The following NYX variants were observed in gnomAD, a reference collection of about 807,000 sequenced individuals.
NYX encodes nyctalopin.
For synonymous variants in NYX, 258 were observed against 245.7 expected, an observed-to-expected ratio of 1.05 and a Z score of -0.47; for missense variants, 481 against 485.4, an observed-to-expected ratio of 0.99 and a Z score of 0.09.
intron 2 of NYX, among the ~76,000 whole-genome samples, chrX:41,462,788 C>T (rs1167394800): frequency 9.0e-6 from 1 of 111,507 alleles, no homozygotes; most frequent in Admixed American, 9.6e-5. Flanking sequence ...ATATTTTGCC[C>T]ATTTATTAAT....
In NYX at chrX:41,475,081, A is replaced by G; in HGVS notation, c.*182A>G. The stretch of plus-strand genomic sequence containing the variant: ...CCACTCGAGGGGGAGGATGGTATGG[A>G]TTTCTGCTTTTGTCACACGGGCATC... On this transcript the variant is annotated 3_prime_UTR_variant, in exon 3 of 3. Transcript: ENST00000378220. 2 of 467,666 alleles carry G rather than the reference A, an allele frequency of 4.3e-6. No individual in the cohort carries two copies. Among genetic ancestry groups the G allele is most frequent in the Non-Finnish European group, 7.5e-6 (2 of 266,708 alleles). The allele number at this position is 467,666 out of a possible 1,213,427, so 38.5% of individuals were successfully genotyped here.
intron 2 of NYX, 32 bp from the exon 3 acceptor site, chrX:41,473,459 C>G: frequency 1.0e-6 from 1 of 964,401 alleles, no homozygotes. Flanking sequence ...TTTTCTCCTC[C>G]TTCCCGACTC....
intron 2 of NYX, among the ~76,000 whole-genome samples, chrX:41,453,332 G>A (rs1047171614): frequency 8.9e-6 from 1 of 111,920 alleles, no homozygotes; most frequent in African/African-American, 3.2e-5. Flanking sequence ...GGACACACAA[G>A]CAGGGAGCCA....
At chrX:41,459,338 G>A (rs1195936552) in intron 2 of NYX, among the ~76,000 whole-genome samples, 1 of 110,969 alleles carries the variant, frequency 9.0e-6, no homozygotes, top group Non-Finnish European at 1.9e-5. Context: ...CATCATATAG[G>A]CTGGGTGTGG....
intron 2 of NYX, among the ~76,000 whole-genome samples, chrX:41,466,777 C>G (rs2064340590): frequency 1.2e-5 from 1 of 84,323 alleles, no homozygotes; most frequent in Non-Finnish European, 2.2e-5. Context: ...GCCATGTTGG[C>G]CAGACTGGTC....
intron 2 of NYX, among the ~76,000 whole-genome samples, chrX:41,450,106 G>A (rs934629995): frequency 1.4e-4 from 16 of 111,684 alleles, no homozygotes; most frequent in African/African-American, 5.2e-4. Context: ...CCACTTCTCA[G>A]ATGCATAAGT....
At chrX:41,460,689 C>A (rs1045700942) in intron 2 of NYX, among the ~76,000 whole-genome samples, 1 of 109,069 alleles carries the variant, frequency 9.2e-6, no homozygotes. Flanking sequence ...TGTATCCTCA[C>A]GAAACCATCA....
intron 2 of NYX, among the ~76,000 whole-genome samples, chrX:41,463,154 T>C (rs1271139821): frequency 9.0e-6 from 1 of 111,678 alleles, no homozygotes; most frequent in Non-Finnish European, 1.9e-5. Flanking sequence ...ATTTTGCGTA[T>C]GGTGTGAGGT....
rs1335308569 is a variant in NYX, at chrX:41,460,876, A to ATTCTTTTTTTTTTTT, written c.23-12613_23-12612insCTTTTTTTTTTTTTT. On this transcript the variant is annotated intron_variant, in intron 2 of 2. Transcript: ENST00000378220. Reference sequence around the variant, plus strand: ...ATGTAAGCGGAGTCACACAGTATGTATTTTTTTTTTTTTTTTTTTTTTTTT... The same window carrying ATTCTTTTTTTTTTTT: ...ATGTAAGCGGAGTCACACAGTATGTATTCTTTTTTTTTTTTTTTTTTTTTTTTTTTTTTTTTTTTT... Among the ~76,000 whole-genome samples, 3 of 24,778 alleles carry ATTCTTTTTTTTTTTT rather than the reference A, an allele frequency of 1.2e-4. 1 individual carries two copies. The highest frequency in any genetic ancestry group is 4.6e-4 in the African/African-American group (3 of 6,570). The allele number at this position is 24,778 out of a possible 115,157, so 21.5% of individuals were successfully genotyped here.
chrX:41,471,978 G>A (rs1034412865), intron 2 of NYX, among the ~76,000 whole-genome samples: 4 of 110,336 alleles, frequency 3.6e-5, no homozygotes, highest in Non-Finnish European at 5.7e-5. Context: ...ACCACACTCC[G>A]ATGCCCTGGT....
intron 2 of NYX, among the ~76,000 whole-genome samples, chrX:41,461,313 C>G (rs1269309549): frequency 9.2e-6 from 1 of 108,705 alleles, no homozygotes; most frequent in Admixed American, 1.0e-4. Context: ...GAATAATAGT[C>G]TCCAGTCCCA....
rs745741032 is a variant in NYX, at chrX:41,474,504, A to C, written c.1036A>C (p.Met346Leu). 15 of 1,206,404 alleles carry C rather than the reference A, an allele frequency of 1.2e-5. No individual in the cohort carries two copies. The highest frequency in any genetic ancestry group is 1.7e-5 in the Non-Finnish European group (15 of 894,639). ...CCGTCTGGAGTGGCTGAGGGACTGG[A>C]TGGAGGGCTCCGGACGTGTCACCGA... ...DCRLEWLRDW[M>L]EGSGRVTDVP... Residue 346 changes from methionine (M) to leucine (L), a missense_variant, in exon 3 of 3, where the codon ATG becomes CTG. Transcript: ENST00000378220.
At position 41,475,306 on chromosome X, in the gene NYX, C is replaced by T. The variant is rs935165720; in HGVS notation, c.*407C>T. The T allele has an allele frequency of 5.8e-6, 1 of 171,206 alleles. No individual in the cohort carries two copies. The highest frequency in any genetic ancestry group is 1.5e-4 in the South Asian group (1 of 6,849). The allele number at this position is 171,206 out of a possible 1,213,427, so 14.1% of individuals were successfully genotyped here. On this transcript the variant is annotated 3_prime_UTR_variant, in exon 3 of 3. Transcript: ENST00000378220. ...CGTCCCATTTCTCCTGGCGGGGTAACCCATTACACCGAAGTCCTTTGTTTT... is the reference window on the plus strand; with the variant it reads ...CGTCCCATTTCTCCTGGCGGGGTAATCCATTACACCGAAGTCCTTTGTTTT...
chrX:41,457,613 CT>C (rs2064303795), intron 2 of NYX, among the ~76,000 whole-genome samples: 1 of 111,691 alleles, frequency 9.0e-6, no homozygotes, highest in Non-Finnish European at 1.9e-5. Context: ...TTGGTACAAA[CT>C]CCAGCCCCAA....
chrX:41,449,107 A>G (rs1364680008), intron 2 of NYX, among the ~76,000 whole-genome samples: 2 of 111,872 alleles, frequency 1.8e-5, no homozygotes, highest in African/African-American at 6.5e-5. Flanking sequence ...GCCCAAGGAA[A>G]AATCCTTTAA....
chrX:41,473,341 C>A, intron 2 of NYX, 150 bp from the exon 3 acceptor site: 1 of 633,836 alleles, frequency 1.6e-6, no homozygotes, highest in Non-Finnish European at 2.0e-6. Context: ...TGGGAAGAGG[C>A]CATGTGCCTG....
chrX:41,469,248 C>T (rs1007780908), intron 2 of NYX, among the ~76,000 whole-genome samples: 1 of 111,301 alleles, frequency 9.0e-6, no homozygotes, highest in Non-Finnish European at 1.9e-5. Context: ...TCTTCAGGTT[C>T]CTGCAGGGAC....
chrX:41,471,036 T>C (rs954866952), intron 2 of NYX, among the ~76,000 whole-genome samples: 4 of 111,677 alleles, frequency 3.6e-5, no homozygotes, highest in Non-Finnish European at 7.5e-5. Context: ...TTTCTGTAAC[T>C]GGTTACAGGG....
chrX:41,474,446 C>G lies in NYX; in HGVS notation c.978C>G (p.Leu326=). 8.3e-7 allele frequency: 1 copy of G among 1,208,980 alleles called. No individual in the cohort carries two copies. Among genetic ancestry groups the G allele is most frequent in the Non-Finnish European group, 1.1e-6 (1 of 895,461 alleles). ...AFQPGFFLGR[L]FLFRNPWCCD... ...AGCCCGGCTTCTTCCTGGGCCGCCT[C>G]TTCCTCTTCCGCAACCCGTGGTGCT... Residue 326 remains leucine (L), a synonymous_variant, in exon 3 of 3, where the codon CTC becomes CTG. Coordinates refer to ENST00000378220, the MANE Select transcript of NYX (RefSeq NM_001378477.3).
Sources: gnomAD v4.1 joint callset for allele counts (sites outside exome capture counted in the v4.1 genomes callset) on GRCh38, gnomAD v4.1.1 for gene constraint, MANE v1.5 for transcripts, NCBI Gene and HGNC (gene_info 2026-07-23, HGNC 2026-07-21) for gene names.